The following CLK2 variants were observed in gnomAD, a reference collection of about 807,000 sequenced individuals.
CLK2 encodes the protein CDC like kinase 2, also known as dual specificity protein kinase CLK2.
Under a neutral mutation model 73.5 loss-of-function variants are expected in CLK2, and 12 were observed. The observed-to-expected ratio is 0.16, with a 90% CI of 0.10 to 0.26. The LOEUF (loss-of-function observed/expected upper bound fraction) is 0.26. CLK2 is among the 10% of genes least tolerant of loss of function. The probability of loss-of-function intolerance (pLI) is 1.00; values close to 1 mark genes in which losing one functional copy is unlikely to be tolerated. For synonymous variants in CLK2, 232 were observed against 237.9 expected (o/e 0.98, Z 0.23); for missense variants, 509 against 688.4 (o/e 0.74, Z 2.92).
chr1:155,270,746 T>C lies in CLK2; in HGVS notation c.170+62A>G, dbSNP rs1267981372. ...GGTTTTAGCATATAACCAATAAGTATTTGTTGAACAAAGGAATGAGCGAGT... is the reference window on the plus strand; with the variant it reads ...GGTTTTAGCATATAACCAATAAGTACTTGTTGAACAAAGGAATGAGCGAGT... On this transcript the variant is annotated intron_variant, in intron 2 of 12. Transcript: ENST00000368361. The C allele has an allele frequency of 3.9e-6, 6 of 1,530,918 alleles. No homozygotes were observed. The East Asian group carries it at 1.1e-4, about 29-fold the overall frequency. 94.8% of individuals were successfully genotyped at this position (1,530,918 alleles called of 1,614,324 possible). A position where few individuals can be genotyped will look rare whatever the true frequency, so the allele number is the denominator to read the frequency against.
chr1:155,263,200 G>A lies in CLK2; in HGVS notation c.*18C>T. 6.2e-7 allele frequency: 1 copy of A among 1,603,374 alleles called. No individual in the cohort carries two copies. The highest frequency in any genetic ancestry group is 8.5e-7 in the Non-Finnish European group (1 of 1,174,642). ...ACCCACTGCTATAAAAGATGCAGGG[G>A]GGCCCAGGGCCTGATCGTCACCGAC... On this transcript the variant is annotated 3_prime_UTR_variant, in exon 13 of 13. Coordinates refer to ENST00000368361, the MANE Select transcript of CLK2 (RefSeq NM_001294338.2).
chr1:155,271,151 C>T (rs1005655880), intron 1 of CLK2, among the ~76,000 whole-genome samples, 174 bp from the exon 2 acceptor site: 1 of 152,234 alleles, frequency 6.6e-6, no homozygotes, highest in Admixed American at 6.5e-5. Flanking sequence ...TATTGGAGTA[C>T]AGCCACCTAC....
chr1:155,268,607 C>T lies in CLK2; in HGVS notation c.487+101G>A. ...CTCAAACCACCCAGATAAACAACAC[C>T]ACTGAGAAAAGGCAAGAGGCTGTGA... On this transcript the variant is annotated intron_variant, in intron 4 of 12. Transcript: ENST00000368361. This position sits in a 1 kb window ranked among gnomAD's most constrained non-coding sequence, Gnocchi z 5.6. The T allele has an allele frequency of 8.9e-7, 1 of 1,126,522 alleles. No individual in the cohort carries two copies. Among genetic ancestry groups the T allele is most frequent in the Non-Finnish European group, 1.3e-6 (1 of 741,478 alleles). 69.8% of individuals were successfully genotyped at this position (1,126,522 alleles called of 1,614,324 possible). A position where few individuals can be genotyped will look rare whatever the true frequency, so the allele number is the denominator to read the frequency against.
rs1319057560 is a variant in CLK2 at position 155,266,759 on chromosome 1, T to C, written c.808A>G (p.Met270Val). The change falls in exon 7 of 13, where the codon ATG becomes GTG. Residue 270 changes from methionine (M) to valine (V), a missense_variant. Physicochemically the swap from Met to Val is conservative, Grantham distance 21. This residue lies in a region of CLK2 where 27 missense variants were observed against 30.5 expected (regional missense o/e 0.89). Transcript: ENST00000368361. ...LPYPIHQVRH[M>V]AFQLCQAVKF... ...ACAGCCTGGCACAGCTGGAAGGCCA[T>C]GTGGCGCACTTGGTGGATGGGGTAG... The C allele has an allele frequency of 6.2e-7, 1 of 1,613,442 alleles. No individual in the cohort carries two copies. Among genetic ancestry groups the C allele is most frequent in the East Asian group, 2.2e-5 (1 of 44,866 alleles).
At chr1:155,270,769 A>C in intron 2 of CLK2, 39 bp downstream of exon 2, 1 of 1,582,016 alleles carries the variant, frequency 6.3e-7, no homozygotes, top group Non-Finnish European at 8.7e-7. Flanking sequence ...GGAATGAGCG[A>C]GTGACCCTGT....
In CLK2 at chr1:155,264,640, C is replaced by A; in HGVS notation, c.1063+5G>T. The A allele has an allele frequency of 6.2e-7, 1 of 1,614,210 alleles. No individual in the cohort carries two copies. The highest frequency in any genetic ancestry group is 8.5e-7 in the Non-Finnish European group (1 of 1,180,026). On this transcript the variant is annotated splice_donor_5th_base_variant and intron_variant, in intron 9 of 12. Coordinates refer to ENST00000368361, the MANE Select transcript of CLK2 (RefSeq NM_001294338.2). ...ACACACTTGGACAGCCTTGCCCTCCCTTACCAAGGATGACTTCTGGTGCTC... is the reference window on the plus strand; with the variant it reads ...ACACACTTGGACAGCCTTGCCCTCCATTACCAAGGATGACTTCTGGTGCTC...
At chr1:155,272,018 T>TG (rs1214830602) in intron 1 of CLK2, among the ~76,000 whole-genome samples, 1 of 149,458 alleles carries the variant, frequency 6.7e-6, no homozygotes, top group Non-Finnish European at 1.5e-5. Context: ...TTTCTTGTGT[T>TG]TTTTTTTTTT....
In CLK2 at chr1:155,268,012, C is replaced by A; in HGVS notation, c.669G>T (p.Lys223Asn). Residue 223 changes from lysine (K) to asparagine (N), a missense_variant and splice_region_variant, in exon 6 of 13, where the codon AAG becomes AAT. Transcript: ENST00000368361. This position sits in a 1 kb window ranked among gnomAD's most constrained non-coding sequence, Gnocchi z 5.6. ...EKINEKDPDN[K>N]NLCVQMFDWF... The stretch of plus-strand genomic sequence containing the variant: ...TACATACTTCCTTGCTTGCTTACTT[C>A]TTGTTGTCAGGGTCTTTCTCATTGA... The A allele has an allele frequency of 6.2e-7, 1 of 1,611,098 alleles. No individual in the cohort carries two copies. Among genetic ancestry groups the A allele is most frequent in the Non-Finnish European group, 8.5e-7 (1 of 1,177,324 alleles).
intron 10 of CLK2, 39 bp from the exon 11 acceptor site, chr1:155,264,339 G>C (rs749838516): frequency 1.9e-6 from 3 of 1,610,292 alleles, no homozygotes; most frequent in East Asian, 2.2e-5. Flanking sequence ...GGACTGAAAA[G>C]GGCATGCTAA....
At chr1:155,265,519 A>C (rs550771719) in intron 8 of CLK2, among the ~76,000 whole-genome samples, 1 of 152,090 alleles carries the variant, frequency 6.6e-6, no homozygotes, top group East Asian at 1.9e-4. Flanking sequence ...GTGAGCCGAG[A>C]TTATGCCACT....
At chr1:155,263,686 T>C in intron 12 of CLK2, 6 of 985,306 alleles carry the variant, frequency 6.1e-6, no homozygotes, top group Non-Finnish European at 7.2e-6. Context: ...TCTTCAAAGG[T>C]AGTTTATTCT....
Position 155,262,955 on chromosome 1 carries a change from T to C in CLK2, c.*263A>G, listed in dbSNP as rs1673039491. The stretch of plus-strand genomic sequence containing the variant: ...ATGGGGTAGATGCCACCTGGTTACC[T>C]CACTCGGCCCCCATCCAACTCCGTA... On this transcript the variant is annotated 3_prime_UTR_variant, in exon 13 of 13. Transcript: ENST00000368361. 2 of 400,034 alleles carry C rather than the reference T, an allele frequency of 5.0e-6. No homozygotes were observed. Among genetic ancestry groups the C allele is most frequent in the Non-Finnish European group, 8.9e-6 (2 of 225,036 alleles). The allele number at this position is 400,034 out of a possible 1,614,324, so 24.8% of individuals were successfully genotyped here.
intron 6 of CLK2, 84 bp from the exon 7 acceptor site, chr1:155,266,979 C>T (rs567236393): frequency 4.8e-4 from 694 of 1,452,702 alleles, no homozygotes; most frequent in Non-Finnish European, 6.2e-4. Context: ...TACTTCATAG[C>T]TGTTGATTCC....
At chr1:155,269,130 C>T (rs1673369627) in intron 3 of CLK2, 2 of 574,076 alleles carry the variant, frequency 3.5e-6, no homozygotes, top group Non-Finnish European at 6.2e-6. Flanking sequence ...TGCCCCCACC[C>T]AAGCCCGCCT....
In CLK2 at chr1:155,264,687, T is replaced by A. The variant is rs759670888; in HGVS notation, c.1021A>T (p.Ile341Phe). 1 of 1,614,076 alleles carries A rather than the reference T, an allele frequency of 6.2e-7. No homozygotes were observed. Among genetic ancestry groups the A allele is most frequent in the Non-Finnish European group, 8.5e-7 (1 of 1,180,048 alleles). Residue 341 changes from isoleucine (I) to phenylalanine (F), a missense_variant, in exon 9 of 13, where the codon ATT (isoleucine) becomes TTT (phenylalanine). By Grantham distance (21) the Ile-to-Phe change is conservative. This residue lies in a region of CLK2 where 48 missense variants were observed against 144.9 expected (regional missense o/e 0.33). Transcript: ENST00000368361. ...GCTCGGTAATGGCGAGTGGAGACAA[T>A]GGTGCTATGGTGCTCATGGTCAAAG... The part of the protein sequence containing the change: ...ATFDHEHHST[I>F]VSTRHYRAPE...
chr1:155,267,852 T>C (rs1673306409), intron 6 of CLK2, among the ~76,000 whole-genome samples, 158 bp downstream of exon 6: 1 of 151,932 alleles, frequency 6.6e-6, no homozygotes, highest in South Asian at 2.1e-4. Flanking sequence ...GCCCCCCCCC[T>C]TTCCTACCCT....
chr1:155,270,319 C>A (rs1317284210), intron 2 of CLK2, among the ~76,000 whole-genome samples: 1 of 152,188 alleles, frequency 6.6e-6, no homozygotes, highest in Non-Finnish European at 1.5e-5. Context: ...TTGCAGTGAG[C>A]TGAGATCTTG....
chr1:155,264,132 G>A, intron 11 of CLK2, 89 bp downstream of exon 11: 1 of 1,557,530 alleles, frequency 6.4e-7, no homozygotes, highest in Non-Finnish European at 8.9e-7. Context: ...GGGAGAGGAG[G>A]TATCAAAGAA....
rs774221942 is a variant in CLK2, at chr1:155,265,958, T to C, written c.839-4A>G. 1.9e-6 allele frequency: 3 copies of C among 1,604,456 alleles called. No individual in the cohort carries two copies. Among genetic ancestry groups the C allele is most frequent in the East Asian group, 2.2e-5 (1 of 44,796 alleles). ...GTCAGCTTGTTATCATGGAGGACTG[T>C]AGGGGAGAAGGCCAGGTCAGGCTTG... On this transcript the variant is annotated splice_polypyrimidine_tract_variant and splice_region_variant and intron_variant, in intron 7 of 12. Coordinates refer to ENST00000368361, the MANE Select transcript of CLK2 (RefSeq NM_001294338.2).
Sources: allele counts gnomAD v4.1 joint callset (sites outside exome capture counted in the v4.1 genomes callset), GRCh38; gene constraint gnomAD v4.1.1; regional missense constraint gnomAD v4.1.1; non-coding constraint Gnocchi (gnomAD v3.1); transcripts MANE v1.5; gene names NCBI Gene and HGNC (gene_info 2026-07-23, HGNC 2026-07-21).